The following UNC5D variants were observed in gnomAD, a reference collection of about 807,000 sequenced individuals.
UNC5D encodes netrin receptor UNC5D.
Under a neutral mutation model 105.4 loss-of-function variants are expected in UNC5D, and 39 were observed. That is an observed-to-expected ratio of 0.37 (90% CI 0.29 to 0.48). UNC5D has a LOEUF of 0.48. Among genes scored for constraint, UNC5D ranks in the 20% least tolerant of loss-of-function variants. The pLI is 0.98. For missense variants in UNC5D, 991 were observed against 1,202.4 expected, an observed-to-expected ratio of 0.82 and a Z score of 2.60; for synonymous variants, 452 against 450.4, an observed-to-expected ratio of 1.00 and a Z score of -0.04.
intron 1 of UNC5D, among the ~76,000 whole-genome samples, chr8:35,510,711 A>T (rs539959193): frequency 2.6e-5 from 4 of 152,246 alleles, no homozygotes; most frequent in Admixed American, 2.6e-4. Flanking sequence ...TATAAGTTCG[A>T]GTCAATCCAC....
At chr8:35,399,835 G>A (rs773974164) in intron 1 of UNC5D, among the ~76,000 whole-genome samples, 3 of 152,116 alleles carry the variant, frequency 2.0e-5, no homozygotes, top group Non-Finnish European at 2.9e-5. Flanking sequence ...AATACTCGAT[G>A]TTTTCTGAAG....
intron 1 of UNC5D, among the ~76,000 whole-genome samples, chr8:35,532,535 T>C (rs1293784194): frequency 1.9e-5 from 1 of 52,672 alleles, no homozygotes; most frequent in East Asian, 4.0e-4. Flanking sequence ...TTGGAGTTGC[T>C]CTTCTCGAGG....
chr8:35,390,161 A>T (rs145776962), intron 1 of UNC5D, among the ~76,000 whole-genome samples: 1 of 152,250 alleles, frequency 6.6e-6, no homozygotes, highest in Non-Finnish European at 1.5e-5. Context: ...CTACAGACTT[A>T]AATGACCAGA....
At chr8:35,474,140 A>G (rs1036463897) in intron 1 of UNC5D, among the ~76,000 whole-genome samples, 29 of 152,220 alleles carry the variant, frequency 1.9e-4, no homozygotes, top group Non-Finnish European at 1.9e-4. Context: ...CAGTGTGCAC[A>G]TGCACTATAG....
intron 1 of UNC5D, among the ~76,000 whole-genome samples, chr8:35,375,417 G>A (rs1030382913): frequency 2.0e-5 from 3 of 152,220 alleles, no homozygotes; most frequent in Middle Eastern, 3.4e-3. Flanking sequence ...TTCTACATGG[G>A]GAAATCAGAG....
In UNC5D at chr8:35,673,917, C is replaced by T. The variant is rs181124263; in HGVS notation, c.571-9630C>T. Among the ~76,000 whole-genome samples, 10 of 152,304 alleles carry T rather than the reference C, an allele frequency of 6.6e-5. No homozygotes were observed. In the East Asian group the frequency reaches 1.5e-3, roughly 24 times the overall value. The stretch of plus-strand genomic sequence containing the variant: ...TCATGGGTACGTGCTGCACCCATTT[C>T]TACACAGTGCCAAAAGCAAAATGAG... On this transcript the variant is annotated intron_variant, in intron 4 of 16. Coordinates refer to ENST00000404895, the MANE Select transcript of UNC5D (RefSeq NM_080872.4).
At chr8:35,573,093 G>T (rs760639560) in intron 3 of UNC5D, among the ~76,000 whole-genome samples, 1 of 152,168 alleles carries the variant, frequency 6.6e-6, no homozygotes, top group Non-Finnish European at 1.5e-5. Context: ...GTGAGCCACC[G>T]CGCCTAGCGC....
chr8:35,571,903 A>G (rs1817747689), intron 3 of UNC5D, among the ~76,000 whole-genome samples: 1 of 152,170 alleles, frequency 6.6e-6, no homozygotes, highest in African/African-American at 2.4e-5. Flanking sequence ...GTATCCTTTT[A>G]ATATTGTTCA....
In UNC5D at chr8:35,750,828, A is replaced by C. The variant is rs6468328; in HGVS notation, c.2163+19A>C. ...ATTTCAGGTTAGCCTTTGTTTTAATAATTTTCTTTTGGTGTCATGAAAGTG... is the reference window on the plus strand; with the variant it reads ...ATTTCAGGTTAGCCTTTGTTTTAATCATTTTCTTTTGGTGTCATGAAAGTG... On this transcript the variant is annotated intron_variant, in intron 13 of 16. Coordinates refer to ENST00000404895, the MANE Select transcript of UNC5D (RefSeq NM_080872.4). 35,818 of 1,612,680 alleles carry C rather than the reference A, an allele frequency of 0.022. 2,380 individuals are homozygous for C. In the African/African-American group the frequency reaches 0.24, roughly 11 times the overall value.
rs536912855 is a variant in UNC5D, at chr8:35,472,399, G to A, written c.104-76893G>A. Among the ~76,000 whole-genome samples, 113 of 152,112 alleles carry A rather than the reference G, an allele frequency of 7.4e-4. 1 individual carries two copies. The South Asian group carries it at 0.018, about 25-fold the overall frequency. On this transcript the variant is annotated intron_variant, in intron 1 of 16. Transcript: ENST00000404895. ...TTGATAAGTGGTCTTAACCTGAGAT[G>A]AATGTTGGAGTGGGAGGAAGGTACA...
chr8:35,314,769 A>G (rs1809158757), intron 1 of UNC5D, among the ~76,000 whole-genome samples: 12 of 152,184 alleles, frequency 7.9e-5, no homozygotes, highest in Admixed American at 7.9e-4. Context: ...AATACCCAAT[A>G]GTGACATAGC....
chr8:35,392,956 T>C (rs577379655), intron 1 of UNC5D, among the ~76,000 whole-genome samples: 1 of 152,122 alleles, frequency 6.6e-6, no homozygotes, highest in Non-Finnish European at 1.5e-5. Flanking sequence ...CTCAATAGGA[T>C]CTATTTGATA....
intron 1 of UNC5D, among the ~76,000 whole-genome samples, chr8:35,537,763 T>C (rs1369821895): frequency 2.0e-5 from 3 of 150,854 alleles, no homozygotes; most frequent in Admixed American, 1.3e-4. Flanking sequence ...AAATACAAAT[T>C]AAAATATTAA....
intron 1 of UNC5D, among the ~76,000 whole-genome samples, chr8:35,484,574 C>T (rs1343545494): frequency 2.6e-5 from 4 of 152,134 alleles, no homozygotes; most frequent in African/African-American, 9.7e-5. Context: ...CCTTCCATGG[C>T]TTCCCACTGA....
chr8:35,615,144 C>G (rs939534754), intron 4 of UNC5D, among the ~76,000 whole-genome samples: 1 of 151,158 alleles, frequency 6.6e-6, no homozygotes. Flanking sequence ...GAGGCTAAGG[C>G]AGGAGGACTG....
Position 35,297,501 on chromosome 8 carries a change from T to A in UNC5D, c.103+61614T>A, listed in dbSNP as rs1265199520. ...ATGGAATCACATCTATTGATGATAT[T>A]GTTCCCCTTTGTAGGTTGGCTGAGG... On this transcript the variant is annotated intron_variant, in intron 1 of 16. Coordinates refer to ENST00000404895, the MANE Select transcript of UNC5D (RefSeq NM_080872.4). 3.3e-5 allele frequency among the ~76,000 whole-genome samples: 5 copies of A among 152,264 alleles called. No individual in the cohort carries two copies. In the East Asian group the frequency reaches 9.7e-4, roughly 29 times the overall value.
chr8:35,284,410 G>T (rs967591684), intron 1 of UNC5D, among the ~76,000 whole-genome samples: 1 of 152,204 alleles, frequency 6.6e-6, no homozygotes, highest in Middle Eastern at 3.4e-3. Context: ...CTAAATCCCA[G>T]ACTTAATGCA....
At position 35,690,393 on chromosome 8, in the gene UNC5D, C is replaced by A. The variant is rs956274243; in HGVS notation, c.1084+3684C>A. ...CCTGTAATCCCAACACTTTGGGAGG[C>A]CAGGGCAGGAGAATCACTTGAGTCC... On this transcript the variant is annotated intron_variant, in intron 7 of 16. Transcript: ENST00000404895. 2.6e-5 allele frequency among the ~76,000 whole-genome samples: 4 copies of A among 152,060 alleles called. No individual in the cohort carries two copies. The East Asian group carries it at 7.7e-4, about 29-fold the overall frequency.
intron 1 of UNC5D, among the ~76,000 whole-genome samples, chr8:35,280,417 G>A (rs2128848737): frequency 6.6e-6 from 1 of 152,310 alleles, no homozygotes; most frequent in East Asian, 1.9e-4. Flanking sequence ...AGAGTCCATT[G>A]TGTCTCACGT....
Sources: gnomAD v4.1 joint callset for allele counts (sites outside exome capture counted in the v4.1 genomes callset) on GRCh38, gnomAD v4.1.1 for gene constraint, MANE v1.5 for transcripts, NCBI Gene and HGNC (gene_info 2026-07-23, HGNC 2026-07-21) for gene names.